The following KCNMA1 variants were observed in gnomAD, a reference collection of about 807,000 sequenced individuals.
KCNMA1 encodes Calcium-activated potassium channel subunit alpha-1.
A neutral mutation model predicts 140.0 loss-of-function variants in KCNMA1; 29 were observed. The observed-to-expected ratio is 0.21, with a 90% CI of 0.15 to 0.28. The LOEUF (loss-of-function observed/expected upper bound fraction) is 0.28. Ranked by LOEUF, KCNMA1 falls within the 10% of genes least tolerant of loss-of-function variation. The pLI is 1.00. For synonymous variants in KCNMA1, 612 were observed against 611.9 expected, an observed-to-expected ratio of 1.00 and a Z score of 0.00; for missense variants, 880 against 1,602.2, an observed-to-expected ratio of 0.55 and a Z score of 7.70.
chr10:77,229,380 C>T (rs1360760715), intron 3 of KCNMA1, among the ~76,000 whole-genome samples: 1 of 149,394 alleles, frequency 6.7e-6, no homozygotes, highest in African/African-American at 2.5e-5. Flanking sequence ...GGTCCAATAC[C>T]AAAAATAGTA....
At chr10:77,236,841 C>T (rs2055661084) in intron 3 of KCNMA1, among the ~76,000 whole-genome samples, 2 of 152,190 alleles carry the variant, frequency 1.3e-5, no homozygotes, top group African/African-American at 2.4e-5. Flanking sequence ...GACAAGGTCC[C>T]ACTCTGTTTC....
rs998309727 is a variant in KCNMA1 at position 77,400,307 on chromosome 10, G to T, written c.540+3555C>A. Among the ~76,000 whole-genome samples the T allele has an allele frequency of 2.0e-5, 3 of 152,220 alleles. No individual in the cohort carries two copies. The East Asian group carries it at 5.8e-4, about 29-fold the overall frequency. ...CTGTGCAGCAGGTCCCACTTGCTCT[G>T]CATGGCCCCAACAGCCTGGGCAGGA... is the stretch of plus-strand genomic sequence containing the variant. On this transcript the variant is annotated intron_variant, in intron 2 of 27. Coordinates refer to ENST00000286628, the MANE Select transcript of KCNMA1 (RefSeq NM_001161352.2).
intron 1 of KCNMA1, among the ~76,000 whole-genome samples, chr10:77,627,291 G>A (rs569801042): frequency 6.6e-6 from 1 of 152,248 alleles, no homozygotes; most frequent in Non-Finnish European, 1.5e-5. Context: ...TCTTGGCAGG[G>A]CCCCCAAATT....
intron 2 of KCNMA1, among the ~76,000 whole-genome samples, chr10:77,298,368 G>A (rs920228755): frequency 1.3e-5 from 2 of 152,070 alleles, no homozygotes; most frequent in South Asian, 2.1e-4. Context: ...TCAGCGTCCC[G>A]AGTAGCTGGG....
chr10:77,496,676 A>G lies in KCNMA1; in HGVS notation c.379-92653T>C, dbSNP rs144632091. 9.2e-4 allele frequency among the ~76,000 whole-genome samples: 131 copies of G among 142,184 alleles called. 1 individual carries two copies. In the East Asian group the frequency reaches 0.03, roughly 32 times the overall value. The allele number at this position is 142,184 out of a possible 152,430, so 93.3% of individuals were successfully genotyped here. A position where few individuals can be genotyped will look rare whatever the true frequency, so the allele number is the denominator to read the frequency against. On this transcript the variant is annotated intron_variant, in intron 1 of 27. Transcript: ENST00000286628. ...CAGTGGGCCCCCAAAGCTATATACCATGTTTGTTTACCTACTTGATTTCTC... is the reference window on the plus strand; with the variant it reads ...CAGTGGGCCCCCAAAGCTATATACCGTGTTTGTTTACCTACTTGATTTCTC...
At chr10:77,349,848 G>A (rs974778238) in intron 2 of KCNMA1, among the ~76,000 whole-genome samples, 2 of 152,274 alleles carry the variant, frequency 1.3e-5, no homozygotes, top group East Asian at 3.9e-4. Context: ...TTTTTAAAGA[G>A]CTCTAAACTT....
At chr10:77,435,203 G>T (rs570125351) in intron 1 of KCNMA1, among the ~76,000 whole-genome samples, 39 of 152,080 alleles carry the variant, frequency 2.6e-4, no homozygotes, top group Admixed American at 2.6e-3. Context: ...CTCCCAAAGT[G>T]CTGAGATTAC....
intron 20 of KCNMA1, 95 bp downstream of exon 20, chr10:76,969,879 A>C: frequency 1.1e-6 from 1 of 932,294 alleles, no homozygotes. Context: ...CTTGCTGGGG[A>C]GGGGAGACTC....
intron 1 of KCNMA1, among the ~76,000 whole-genome samples, chr10:77,439,886 A>G (rs560302195): frequency 1.2e-4 from 19 of 152,342 alleles, no homozygotes; most frequent in African/African-American, 3.8e-4. Context: ...GGAGTCCTGC[A>G]GAGTGGTGGC....
intron 14 of KCNMA1, among the ~76,000 whole-genome samples, chr10:77,053,774 T>A (rs2095452225): frequency 6.6e-6 from 1 of 152,170 alleles, no homozygotes. Flanking sequence ...AGCACCTACC[T>A]CCATCTCTTA....
chr10:77,253,406 T>C lies in KCNMA1; in HGVS notation c.541-2150A>G, dbSNP rs549370271. ...CTTGCAAATGGCATCTACATCATTC[T>C]GTAAGGAACTCAAAATCTAAGACCC... On this transcript the variant is annotated intron_variant, in intron 2 of 27. Transcript: ENST00000286628. Among the ~76,000 whole-genome samples the C allele has an allele frequency of 2.0e-5, 3 of 152,374 alleles. No homozygotes were observed. The South Asian group carries it at 6.2e-4, about 32-fold the overall frequency.
chr10:77,623,699 T>A (rs1342405925), intron 1 of KCNMA1, among the ~76,000 whole-genome samples: 1 of 148,744 alleles, frequency 6.7e-6, no homozygotes, highest in African/African-American at 2.5e-5. Flanking sequence ...CAAGACTCCG[T>A]CTCAAAAAAA....
intron 2 of KCNMA1, among the ~76,000 whole-genome samples, chr10:77,326,410 A>C (rs2084232731): frequency 6.6e-6 from 1 of 152,176 alleles, no homozygotes; most frequent in South Asian, 2.1e-4. Context: ...TTCACAATAG[A>C]TTTGCCATAA....
chr10:77,404,710 C>G (rs1367497001), intron 1 of KCNMA1, among the ~76,000 whole-genome samples: 1 of 152,142 alleles, frequency 6.6e-6, no homozygotes, highest in Non-Finnish European at 1.5e-5. Context: ...CCCCCACTTT[C>G]CTTTAGGAAA....
intron 3 of KCNMA1, among the ~76,000 whole-genome samples, chr10:77,244,373 C>T (rs2058075024): frequency 1.3e-5 from 2 of 152,316 alleles, no homozygotes; most frequent in East Asian, 3.9e-4. Flanking sequence ...CCTTTCCTAG[C>T]ATAGTCCCTG....
intron 22 of KCNMA1, among the ~76,000 whole-genome samples, chr10:76,945,663 C>A (rs1381792992): frequency 6.6e-6 from 1 of 151,892 alleles, no homozygotes; most frequent in Admixed American, 6.6e-5. Context: ...TACTTTTGGA[C>A]ATGCACACAG....
intron 2 of KCNMA1, among the ~76,000 whole-genome samples, chr10:77,366,211 C>A (rs543041401): frequency 6.6e-6 from 1 of 151,964 alleles, no homozygotes; most frequent in South Asian, 2.1e-4. Context: ...TCTTGTCACC[C>A]ATGCTGGAGT....
At chr10:77,530,451 G>A (rs1265645163) in intron 1 of KCNMA1, among the ~76,000 whole-genome samples, 1 of 152,130 alleles carries the variant, frequency 6.6e-6, no homozygotes, top group African/African-American at 2.4e-5. Flanking sequence ...TAGCTCTTAG[G>A]TTCTAACACT....
intron 9 of KCNMA1, among the ~76,000 whole-genome samples, chr10:77,096,830 C>G (rs1323937467): frequency 2.6e-5 from 4 of 152,164 alleles, no homozygotes; most frequent in African/African-American, 9.7e-5. Context: ...ATGCTAGACT[C>G]TCTGTCTTTC....
Sources: allele counts gnomAD v4.1 joint callset (sites outside exome capture counted in the v4.1 genomes callset), GRCh38; gene constraint gnomAD v4.1.1; transcripts MANE v1.5; gene names NCBI Gene and HGNC (gene_info 2026-07-23, HGNC 2026-07-21).